DNAAF9: variants seen among roughly 807,000 people sequenced by gnomAD.
DNAAF9 encodes shulin.
A neutral mutation model predicts 167.0 loss-of-function variants in DNAAF9; 90 were observed. That is an observed-to-expected ratio of 0.54 (90% confidence interval 0.45 to 0.64). The LOEUF (loss-of-function observed/expected upper bound fraction) is 0.64, where lower values mean the gene tolerates loss of function less well. Ranked by LOEUF, DNAAF9 falls within the 30% of genes least tolerant of loss-of-function variation. The pLI is 0.00. For missense variants in DNAAF9, 1,315 were observed against 1,442.2 expected (o/e 0.91, Z 1.43); for synonymous variants, 491 against 508.8 (o/e 0.96, Z 0.47).
intron 21 of DNAAF9, among the ~76,000 whole-genome samples, chr20:3,302,458 A>G (rs1398675678): frequency 1.3e-5 from 2 of 152,172 alleles, no homozygotes; most frequent in African/African-American, 4.8e-5. Context: ...TGTGCAACAG[A>G]ACACTAGAAT....
intron 28 of DNAAF9, 84 bp downstream of exon 28, chr20:3,281,557 A>C: frequency 7.7e-7 from 1 of 1,293,374 alleles, no homozygotes; most frequent in Non-Finnish European, 1.1e-6. Flanking sequence ...CAAGGTGACT[A>C]ATGCATTCCA....
chr20:3,316,869 C>A, intron 17 of DNAAF9, 76 bp from the exon 18 acceptor site: 1 of 903,930 alleles, frequency 1.1e-6, no homozygotes, highest in Non-Finnish European at 1.8e-6. Context: ...ACCCTAAATG[C>A]CCTTCTCAGG....
At chr20:3,293,616 C>T (rs766259794) in intron 25 of DNAAF9, among the ~76,000 whole-genome samples, 26 of 121,480 alleles carry the variant, frequency 2.1e-4, no homozygotes, top group Non-Finnish European at 2.9e-4. Flanking sequence ...GCCCAGGGGG[C>T]GGAGGTTGCA....
rs2068495750 is a variant in DNAAF9, at chr20:3,266,671, GT to G, written c.2787-2148del. 2.0e-5 allele frequency among the ~76,000 whole-genome samples: 3 copies of G among 151,718 alleles called. No homozygotes were observed. In the South Asian group the frequency reaches 6.2e-4, roughly 32 times the overall value. ...TTTTTGTATTTTTAGTAGAGATGGG[GT>G]TTCACCGTGTTGGCCAGGATGGTCT... On this transcript the variant is annotated intron_variant, in intron 30 of 36. Coordinates refer to ENST00000252032, the MANE Select transcript of DNAAF9 (RefSeq NM_001009984.3).
intron 31 of DNAAF9, among the ~76,000 whole-genome samples, chr20:3,261,179 C>A (rs537561770): frequency 3.3e-5 from 5 of 151,830 alleles, no homozygotes; most frequent in African/African-American, 9.7e-5. Context: ...GTAGTTGCTA[C>A]GACACATGCC....
intron 17 of DNAAF9, 33 bp downstream of exon 17, chr20:3,318,256 A>C (rs2069545898): frequency 1.1e-6 from 1 of 925,546 alleles, no homozygotes; most frequent in Non-Finnish European, 1.7e-6. Flanking sequence ...AAAAAGGCTT[A>C]AGGTTTGCTT....
At chr20:3,254,356 G>C (rs906770117) in intron 35 of DNAAF9, among the ~76,000 whole-genome samples, 5 of 152,198 alleles carry the variant, frequency 3.3e-5, no homozygotes, top group African/African-American at 1.2e-4. Flanking sequence ...TGGGATTACA[G>C]GCGTGAGCCA....
chr20:3,293,159 G>A (rs2068994098), intron 25 of DNAAF9, among the ~76,000 whole-genome samples: 1 of 151,662 alleles, frequency 6.6e-6, no homozygotes, highest in South Asian at 2.1e-4. Flanking sequence ...CGGGCGTGGG[G>A]GCGCATGCCT....
chr20:3,256,087 C>T lies in DNAAF9; in HGVS notation c.3180G>A (p.Gln1060=), dbSNP rs375288538. Residue 1060 remains glutamine (Q), a synonymous_variant, in exon 34 of 37, where the codon CAG becomes CAA. Transcript: ENST00000252032. ...CGATGAACACAAGGTAGCACTCCTG[C>T]TGCCCGCTGCTGTCTTGAGATACGC... ...SKSVSQDSSG[Q]QECYLVFIGC... 18 of 1,614,010 alleles carry T rather than the reference C, an allele frequency of 1.1e-5. No individual in the cohort carries two copies. The highest frequency in any genetic ancestry group is 1.3e-5 in the Non-Finnish European group (15 of 1,179,974).
rs1265296896 is a variant in DNAAF9, at chr20:3,316,376, C to CG, written c.1539+346dup. ...ACCACTCTACCAGGGAAGCAAGTCACGGGATCCACTTCTCATGATTTGTGT... is the reference window on the plus strand; with the variant it reads ...ACCACTCTACCAGGGAAGCAAGTCACGGGGATCCACTTCTCATGATTTGTGT... On this transcript the variant is annotated intron_variant, in intron 18 of 36. Transcript: ENST00000252032. Among the ~76,000 whole-genome samples the CG allele has an allele frequency of 3.9e-5, 6 of 152,164 alleles. No homozygotes were observed. The East Asian group carries it at 1.2e-3, about 29-fold the overall frequency.
At chr20:3,257,910 G>A (rs1293325769) in intron 33 of DNAAF9, among the ~76,000 whole-genome samples, 2 of 152,174 alleles carry the variant, frequency 1.3e-5, no homozygotes, top group African/African-American at 2.4e-5. Flanking sequence ...TGTATTTTTA[G>A]TAGAGACAGG....
At chr20:3,343,754 T>C (rs938453699) in intron 8 of DNAAF9, 23 bp from the exon 9 acceptor site, 3 of 1,584,530 alleles carry the variant, frequency 1.9e-6, no homozygotes, top group African/African-American at 2.7e-5. Flanking sequence ...CAACATTGTA[T>C]ATATTAAGAA....
At chr20:3,351,175 T>C (rs1470744093) in intron 7 of DNAAF9, among the ~76,000 whole-genome samples, 2 of 152,170 alleles carry the variant, frequency 1.3e-5, no homozygotes, top group South Asian at 2.1e-4. Flanking sequence ...AATGTTAAAC[T>C]ACATCATGGG....
Position 3,326,247 on chromosome 20 carries a change from C to G in DNAAF9, c.1138G>C (p.Ala380Pro). ...TAACATGCAATGCCAGCCAAAACAGCCTCAATAACAGCAGCATATATCTGG... is the reference window on the plus strand; with the variant it reads ...TAACATGCAATGCCAGCCAAAACAGGCTCAATAACAGCAGCATATATCTGG... Reference protein sequence around the residue: ...LSQIYAAVIEAVLAGIACYAK... With the variant: ...LSQIYAAVIEPVLAGIACYAK... Residue 380 changes from alanine (A) to proline (P), a missense_variant, in exon 13 of 37, where the codon GCT becomes CCT. Transcript: ENST00000252032. 6.2e-7 allele frequency: 1 copy of G among 1,613,622 alleles called. No homozygotes were observed. The highest frequency in any genetic ancestry group is 8.5e-7 in the Non-Finnish European group (1 of 1,179,616).
At chr20:3,292,521 C>A (rs1454156483) in intron 25 of DNAAF9, among the ~76,000 whole-genome samples, 2 of 151,974 alleles carry the variant, frequency 1.3e-5, no homozygotes, top group Non-Finnish European at 2.9e-5. Context: ...AAACCCAGCA[C>A]TTTGGGAGGC....
At chr20:3,328,372 G>C (rs1159405553) in intron 12 of DNAAF9, among the ~76,000 whole-genome samples, 1 of 152,024 alleles carries the variant, frequency 6.6e-6, no homozygotes. Context: ...AGTAGAGGCG[G>C]GGTTTCACCA....
At chr20:3,349,192 CAAAAAAAAAAACA>C (rs1205839939) in intron 7 of DNAAF9, among the ~76,000 whole-genome samples, 3 of 39,100 alleles carry the variant, frequency 7.7e-5, no homozygotes, top group East Asian at 7.9e-4. Flanking sequence ...TCGTCTCTAC[CAAAAAAAAAAACA>C]AAAAAAAAAA....
Position 3,294,624 on chromosome 20 carries a change from G to C in DNAAF9, c.2024C>G (p.Ser675Cys), listed in dbSNP as rs771257234. The change falls in exon 24 of 37, where the codon TCC becomes TGC. Residue 675 changes from serine (S) to cysteine (C), a missense_variant. Ser to Cys is a moderately radical substitution (Grantham distance 112). Around this residue, in one of 2 missense-constraint regions of DNAAF9, gnomAD observed 981 missense variants for 1,012.5 expected, o/e 0.97. Coordinates refer to ENST00000252032, the MANE Select transcript of DNAAF9 (RefSeq NM_001009984.3). ...GGCACTGAAGAGCTTCTGTGCACTG[G>C]AGTGCCTGGAATAACAAAAGCTCAC... ...GLSVEQKRLH[S>C]SAQKLFSALS... 6.2e-7 allele frequency: 1 copy of C among 1,602,850 alleles called. No homozygotes were observed. The highest frequency in any genetic ancestry group is 1.1e-5 in the South Asian group (1 of 90,866).
At chr20:3,348,686 G>T in intron 7 of DNAAF9, 63 bp from the exon 8 acceptor site, 1 of 973,932 alleles carries the variant, frequency 1.0e-6, no homozygotes, top group East Asian at 2.5e-5. Flanking sequence ...TAGAAAACGA[G>T]AATTATGAAA....
Sources: allele counts gnomAD v4.1 joint callset (sites outside exome capture counted in the v4.1 genomes callset), GRCh38; gene constraint gnomAD v4.1.1; regional missense constraint gnomAD v4.1.1; transcripts MANE v1.5; gene names NCBI Gene and HGNC (gene_info 2026-07-23, HGNC 2026-07-21).